ATP9B: variants seen among roughly 807,000 people sequenced by gnomAD.
The protein encoded by ATP9B is ATPase phospholipid transporting 9B, also known as probable phospholipid-transporting ATPase IIB.
A neutral mutation model predicts 146.1 loss-of-function variants in ATP9B; 110 were observed. The observed-to-expected ratio is 0.75, with a 90% CI of 0.65 to 0.88. The LOEUF (loss-of-function observed/expected upper bound fraction) is 0.88, where lower values mean the gene tolerates loss of function less well. ATP9B is among the 40% of genes least tolerant of loss of function. The pLI is 0.00. For missense variants in ATP9B, 1,499 were observed against 1,496.4 expected (o/e 1.00, Z -0.03); for synonymous variants, 604 against 569.7 (o/e 1.06, Z -0.86).
chr18:79,354,694 G>A (rs189766), intron 25 of ATP9B: 1 of 151,614 alleles, frequency 6.6e-6, no homozygotes, highest in East Asian at 1.9e-4. Flanking sequence ...GCTGGAAACA[G>A]AAGGCTCTGA....
chr18:79,159,368 A>T (rs1442311052), intron 7 of ATP9B, among the ~76,000 whole-genome samples: 18 of 152,104 alleles, frequency 1.2e-4, no homozygotes, highest in African/African-American at 4.3e-4. Context: ...TTACAGCCCT[A>T]CATCAGTCTC....
chr18:79,199,594 C>G (rs1290602984), intron 9 of ATP9B, among the ~76,000 whole-genome samples: 1 of 151,446 alleles, frequency 6.6e-6, no homozygotes. Context: ...GAAACCCCAT[C>G]TCTACTAAAA....
chr18:79,238,692 C>T (rs150159714), intron 11 of ATP9B, among the ~76,000 whole-genome samples: 3 of 152,322 alleles, frequency 2.0e-5, no homozygotes, highest in East Asian at 1.9e-4. Context: ...CTGGATTTCA[C>T]GCTTCCTGTC....
intron 17 of ATP9B, among the ~76,000 whole-genome samples, chr18:79,333,179 C>T (rs781423153): frequency 2.0e-5 from 3 of 152,108 alleles, no homozygotes; most frequent in Non-Finnish European, 4.4e-5. Flanking sequence ...TCCAAATGTG[C>T]GGCTGTGCCC....
At chr18:79,309,494 G>A (rs2096639759) in intron 15 of ATP9B, among the ~76,000 whole-genome samples, 1 of 147,928 alleles carries the variant, frequency 6.8e-6, no homozygotes, top group South Asian at 2.1e-4. Context: ...CAGGTAGAAG[G>A]TCAGGGGTGG....
rs746274965 is a variant in ATP9B at position 79,113,202 on chromosome 18, C to T, written c.445-39C>T. The T allele has an allele frequency of 2.2e-5, 27 of 1,217,358 alleles. No individual in the cohort carries two copies. The Admixed American group carries it at 4.9e-4, about 22-fold the overall frequency. 75.4% of individuals were successfully genotyped at this position (1,217,358 alleles called of 1,614,324 possible). On this transcript the variant is annotated intron_variant, in intron 3 of 29. Transcript: ENST00000426216. ...TTAATTTAGGTATTAAAATTTTTTC[C>T]TTGAAGGAATTTTGTTAATTTTCTC...
At chr18:79,088,837 T>A (rs1375397333) in intron 1 of ATP9B, among the ~76,000 whole-genome samples, 1 of 152,224 alleles carries the variant, frequency 6.6e-6, no homozygotes, top group African/African-American at 2.4e-5. Flanking sequence ...TGAACACATT[T>A]TAAATTTCCG....
chr18:79,270,818 C>A (rs1306564788), intron 12 of ATP9B, among the ~76,000 whole-genome samples: 1 of 152,046 alleles, frequency 6.6e-6, no homozygotes, highest in Non-Finnish European at 1.5e-5. Flanking sequence ...GAATGAAGCC[C>A]CATTTGTCCC....
At chr18:79,128,776 C>G (rs1466825235) in intron 5 of ATP9B, among the ~76,000 whole-genome samples, 1 of 152,086 alleles carries the variant, frequency 6.6e-6, no homozygotes, top group Non-Finnish European at 1.5e-5. Flanking sequence ...ATATGCCTGC[C>G]CTTCCACAGA....
chr18:79,191,257 GA>G lies in ATP9B; in HGVS notation c.874-1925del, dbSNP rs200521637. Among the ~76,000 whole-genome samples the G allele has an allele frequency of 3.4e-3, 522 of 151,552 alleles. 3 individuals carry two copies. The highest frequency in any genetic ancestry group is 0.012 in the African/African-American group (493 of 41,244). ...GTTATTTTTCTTTAGGTATTTTTGA[GA>G]TTTTTTTTATTTTTGGTTTTTAGCA... On this transcript the variant is annotated intron_variant, in intron 8 of 29. Coordinates refer to ENST00000426216, the MANE Select transcript of ATP9B (RefSeq NM_198531.5).
At chr18:79,216,293 G>A (rs1032085835) in intron 11 of ATP9B, among the ~76,000 whole-genome samples, 1 of 152,116 alleles carries the variant, frequency 6.6e-6, no homozygotes, top group African/African-American at 2.4e-5. Context: ...CGGCCTCCTA[G>A]TTTTGCAAGC....
intron 15 of ATP9B, among the ~76,000 whole-genome samples, chr18:79,310,210 G>A (rs1051149121): frequency 3.3e-5 from 5 of 152,200 alleles, no homozygotes; most frequent in African/African-American, 7.2e-5. Flanking sequence ...GGGACAGACC[G>A]TAGCCGCCAT....
At chr18:79,375,514 C>G in intron 29 of ATP9B, 88 bp downstream of exon 29, 1 of 1,551,812 alleles carries the variant, frequency 6.4e-7, no homozygotes. Flanking sequence ...AAAAACAAAC[C>G]TTCCTCTAAT....
chr18:79,081,352 GTA>G (rs1382506216), intron 1 of ATP9B, among the ~76,000 whole-genome samples: 1 of 152,022 alleles, frequency 6.6e-6, no homozygotes, highest in African/African-American at 2.4e-5. Context: ...TCTTGGGAGG[GTA>G]TATGTGTCCA....
chr18:79,218,986 A>G (rs1375405948), intron 11 of ATP9B, among the ~76,000 whole-genome samples: 1 of 152,200 alleles, frequency 6.6e-6, no homozygotes, highest in East Asian at 1.9e-4. Context: ...CAGAACCCGG[A>G]AGAATACCAA....
At chr18:79,110,745 A>G (rs1001919352) in intron 3 of ATP9B, among the ~76,000 whole-genome samples, 2 of 152,232 alleles carry the variant, frequency 1.3e-5, no homozygotes, top group African/African-American at 2.4e-5. Flanking sequence ...TATTGCCTTC[A>G]GTTCTTGATA....
At chr18:79,336,171 C>T (rs1236366536) in intron 17 of ATP9B, among the ~76,000 whole-genome samples, 1 of 132,874 alleles carries the variant, frequency 7.5e-6, no homozygotes, top group Non-Finnish European at 1.8e-5. Flanking sequence ...CCCTCTGTGC[C>T]CTCCCTGGCA....
chr18:79,359,973 G>A (rs1463399188), intron 26 of ATP9B: 1 of 157,504 alleles, frequency 6.3e-6, no homozygotes, highest in Non-Finnish European at 1.4e-5. Flanking sequence ...TGTCCCTAGG[G>A]TCCATAGACT....
intron 13 of ATP9B, among the ~76,000 whole-genome samples, chr18:79,287,967 T>C (rs374977251): frequency 1.3e-5 from 2 of 151,536 alleles, no homozygotes; most frequent in Non-Finnish European, 3.0e-5. Context: ...TTTGATTGCA[T>C]TGTGGTCTGA....
Sources: allele counts gnomAD v4.1 joint callset (sites outside exome capture counted in the v4.1 genomes callset), GRCh38; gene constraint gnomAD v4.1.1; transcripts MANE v1.5; gene names NCBI Gene and HGNC (gene_info 2026-07-23, HGNC 2026-07-21).